CXXC5: variants seen among roughly 807,000 people sequenced by gnomAD.
CXXC5 encodes CXXC finger protein 5.
A neutral mutation model predicts 17.6 loss-of-function variants in CXXC5; 2 were observed. That is an observed-to-expected ratio of 0.11 (90% confidence interval 0.05 to 0.36). The LOEUF (loss-of-function observed/expected upper bound fraction) is 0.36. CXXC5 is among the 10% of genes least tolerant of loss of function. The probability of loss-of-function intolerance (pLI) is 1.00; values close to 1 mark genes in which losing one functional copy is unlikely to be tolerated. For missense variants in CXXC5, 343 were observed against 458.3 expected (o/e 0.75, Z 2.30); for synonymous variants, 171 against 193.0 (o/e 0.89, Z 0.94).
At chr5:139,651,871 G>T (rs534388616) in intron 1 of CXXC5, among the ~76,000 whole-genome samples, 1 of 152,138 alleles carries the variant, frequency 6.6e-6, no homozygotes, top group Non-Finnish European at 1.5e-5. Context: ...AAGAATGGGG[G>T]GGTTCACACA....
chr5:139,655,949 C>A (rs1755471150), intron 1 of CXXC5, among the ~76,000 whole-genome samples: 1 of 152,218 alleles, frequency 6.6e-6, no homozygotes, highest in African/African-American at 2.4e-5. Context: ...CAGCTGCCGG[C>A]CCCAGCAGGG....
At chr5:139,660,679 C>G (rs945710015) in intron 1 of CXXC5, among the ~76,000 whole-genome samples, 12 of 150,856 alleles carry the variant, frequency 8.0e-5, no homozygotes, top group African/African-American at 2.9e-4. Flanking sequence ...GCCTTCCCCT[C>G]TACCCTCATG....
intron 1 of CXXC5, chr5:139,675,685 G>A (rs927609317): frequency 6.6e-6 from 1 of 152,206 alleles, no homozygotes; most frequent in African/African-American, 2.4e-5. Context: ...GGCACCAGCT[G>A]TTTGACCTGA....
rs929764475 is a variant in CXXC5, at chr5:139,658,139, G to A, written c.-161+9294G>A. 3.9e-5 allele frequency among the ~76,000 whole-genome samples: 6 copies of A among 152,156 alleles called. No individual in the cohort carries two copies. The highest frequency in any genetic ancestry group is 3.3e-4 in the Admixed American group (5 of 15,282). On this transcript the variant is annotated intron_variant, in intron 1 of 2. Coordinates refer to ENST00000302517, the MANE Select transcript of CXXC5 (RefSeq NM_016463.9). This position sits in a 1 kb window ranked among gnomAD's most constrained non-coding sequence, Gnocchi z 4.1. ...GCCTGACCCACCTCCCCCAGAACTA[G>A]ATGGGAAATTAGTTAACTGGGCTCA...
chr5:139,669,744 G>C (rs936478229), intron 1 of CXXC5, among the ~76,000 whole-genome samples: 17 of 151,982 alleles, frequency 1.1e-4, no homozygotes, highest in Non-Finnish European at 1.9e-4. Context: ...CCACAGCCAA[G>C]CTACACACAC....
rs1052064703 is a variant in CXXC5 at position 139,670,213 on chromosome 5, G to A, written c.-160-10151G>A. 6.6e-6 allele frequency among the ~76,000 whole-genome samples: 1 copy of A among 152,136 alleles called. No individual in the cohort carries two copies. The highest frequency in any genetic ancestry group is 1.5e-5 in the Non-Finnish European group (1 of 68,028). On this transcript the variant is annotated intron_variant, in intron 1 of 2. Transcript: ENST00000302517. The surrounding 1 kb of genome is among the most constrained non-coding windows in gnomAD (Gnocchi z 4.2). ...CCCGCCTCTCGCCTGCCTCCCCCAC[G>A]CCTCTGCAGGGAGGGCCTGCGGTCT...
Position 139,680,354 on chromosome 5 carries a change from C to A in CXXC5, c.-160-10C>A. On this transcript the variant is annotated splice_polypyrimidine_tract_variant and intron_variant, in intron 1 of 2. Coordinates refer to ENST00000302517, the MANE Select transcript of CXXC5 (RefSeq NM_016463.9). ...CACTGCTGCCCTGACCCTGTATCCT[C>A]TTGTGACAGAGTGAAGACATTTCCA... The A allele has an allele frequency of 1.0e-6, 1 of 955,498 alleles. No individual in the cohort carries two copies. Among genetic ancestry groups the A allele is most frequent in the South Asian group, 1.7e-5 (1 of 57,392 alleles). 59.2% of individuals were successfully genotyped at this position (955,498 alleles called of 1,614,324 possible). A position where few individuals can be genotyped will look rare whatever the true frequency, so the allele number is the denominator to read the frequency against.
chr5:139,652,171 CGTGTGTGTGT>C (rs70988712), intron 1 of CXXC5, among the ~76,000 whole-genome samples: 3 of 114,960 alleles, frequency 2.6e-5, no homozygotes, highest in Non-Finnish European at 5.8e-5. Flanking sequence ...CGCGCGCGCG[CGTGTGTGTGT>C]GTGTGTGTGT....
At chr5:139,666,801 G>C (rs1372093496) in intron 1 of CXXC5, among the ~76,000 whole-genome samples, 1 of 152,232 alleles carries the variant, frequency 6.6e-6, no homozygotes, top group Non-Finnish European at 1.5e-5. Flanking sequence ...AGGCAGGCTG[G>C]GTGGAAGAGC....
chr5:139,677,579 C>A (rs1056938399), intron 1 of CXXC5, among the ~76,000 whole-genome samples: 4 of 152,180 alleles, frequency 2.6e-5, no homozygotes, highest in South Asian at 2.1e-4. Context: ...GTGAGCCAGT[C>A]CCTCCGTGTA....
At chr5:139,659,452 C>T (rs921261254) in intron 1 of CXXC5, 19 of 152,326 alleles carry the variant, frequency 1.2e-4, no homozygotes, top group African/African-American at 3.6e-4. Flanking sequence ...GGGTGTGCCC[C>T]GCACACTGCA....
chr5:139,673,080 T>C (rs1349257436), intron 1 of CXXC5, among the ~76,000 whole-genome samples: 1 of 152,066 alleles, frequency 6.6e-6, no homozygotes, highest in Non-Finnish European at 1.5e-5. Flanking sequence ...GATCACCACA[T>C]TGGGAAATGT....
intron 1 of CXXC5, among the ~76,000 whole-genome samples, chr5:139,653,856 T>G (rs1273269898): frequency 6.6e-6 from 1 of 152,080 alleles, no homozygotes; most frequent in Admixed American, 6.5e-5. Flanking sequence ...TCACAGGGCC[T>G]AGGAGGGAGG....
At chr5:139,650,833 AC>A (rs901851761) in intron 1 of CXXC5, among the ~76,000 whole-genome samples, 3 of 151,658 alleles carry the variant, frequency 2.0e-5, no homozygotes, top group Non-Finnish European at 2.9e-5. Flanking sequence ...CGGGCTACCT[AC>A]CCGTAACTGC....
At chr5:139,652,021 A>G (rs963648755) in intron 1 of CXXC5, among the ~76,000 whole-genome samples, 4 of 152,094 alleles carry the variant, frequency 2.6e-5, no homozygotes, top group African/African-American at 9.7e-5. Context: ...CTCTGGAGGC[A>G]GGCCCAGGAT....
chr5:139,675,786 C>T lies in CXXC5; in HGVS notation c.-160-4578C>T, dbSNP rs1268695323. 2.0e-5 allele frequency among the ~76,000 whole-genome samples: 3 copies of T among 152,252 alleles called. No homozygotes were observed. In the East Asian group the frequency reaches 5.8e-4, roughly 29 times the overall value. On this transcript the variant is annotated intron_variant, in intron 1 of 2. Transcript: ENST00000302517. ...TCTCCCGGGGTTCTGGGGAGGCATTCAGAAGCTAAGACATGTAAAGCATAA... is the reference window on the plus strand; with the variant it reads ...TCTCCCGGGGTTCTGGGGAGGCATTTAGAAGCTAAGACATGTAAAGCATAA...
rs112031177 is a variant in CXXC5, at chr5:139,670,110, C to T, written c.-160-10254C>T. On this transcript the variant is annotated intron_variant, in intron 1 of 2. Transcript: ENST00000302517. The surrounding 1 kb of genome is among the most constrained non-coding windows in gnomAD (Gnocchi z 4.2). The stretch of plus-strand genomic sequence containing the variant: ...ATAGCGACTCCGGAACCAGCCGGCT[C>T]GGCCCCATGGCCCCTCTCGCCTCAT... Among the ~76,000 whole-genome samples, 9 of 152,362 alleles carry T rather than the reference C, an allele frequency of 5.9e-5. 1 individual carries two copies. The highest frequency in any genetic ancestry group is 2.1e-4 in the South Asian group (1 of 4,826).
intron 2 of CXXC5, 66 bp downstream of exon 2, chr5:139,681,513 A>AG: frequency 6.7e-7 from 1 of 1,503,516 alleles, no homozygotes; most frequent in Non-Finnish European, 8.9e-7. Flanking sequence ...ACCCACCCCC[A>AG]TCCCCTGACC....
chr5:139,652,985 CTA>C (rs1350986625), intron 1 of CXXC5, among the ~76,000 whole-genome samples: 1 of 152,146 alleles, frequency 6.6e-6, no homozygotes, highest in Non-Finnish European at 1.5e-5. Context: ...TGGCGGCTGG[CTA>C]TGTTTTCCTT....
Sources: gnomAD v4.1 joint callset for allele counts (sites outside exome capture counted in the v4.1 genomes callset) on GRCh38, gnomAD v4.1.1 for gene constraint, Gnocchi (gnomAD v3.1) non-coding constraint, MANE v1.5 for transcripts, NCBI Gene and HGNC (gene_info 2026-07-23, HGNC 2026-07-21) for gene names.